FMN2: variants seen among roughly 807,000 people sequenced by gnomAD.
The protein encoded by FMN2 is formin-2.
Under a neutral mutation model 142.3 loss-of-function variants are expected in FMN2, and 51 were observed. The ratio of observed to expected loss-of-function variants is 0.36; its 90% CI spans 0.29 to 0.45. FMN2 has a LOEUF of 0.45. Ranked by LOEUF, FMN2 falls within the 20% of genes least tolerant of loss-of-function variation. The probability of loss-of-function intolerance (pLI) is 1.00; values close to 1 mark genes in which losing one functional copy is unlikely to be tolerated. For missense variants in FMN2, 1,936 were observed against 2,122.8 expected, an observed-to-expected ratio of 0.91 and a Z score of 1.73; for synonymous variants, 882 against 869.8, an observed-to-expected ratio of 1.01 and a Z score of -0.25.
intron 15 of FMN2, among the ~76,000 whole-genome samples, chr1:240,420,766 T>C (rs1418018937): frequency 6.6e-6 from 1 of 152,164 alleles, no homozygotes; most frequent in African/African-American, 2.4e-5. Context: ...ATGCCCCACA[T>C]TCCCACACAG....
intron 15 of FMN2, among the ~76,000 whole-genome samples, chr1:240,400,019 C>T (rs530172655): frequency 6.6e-6 from 1 of 152,246 alleles, no homozygotes. Context: ...CTAAGAGCTT[C>T]GTCTGAAAGA....
chr1:240,368,849 A>G (rs922124639), intron 14 of FMN2, among the ~76,000 whole-genome samples: 3 of 151,844 alleles, frequency 2.0e-5, no homozygotes, highest in Non-Finnish European at 4.4e-5. Flanking sequence ...TTTCCCCTCT[A>G]CTACTTTTCA....
chr1:240,436,816 A>G (rs1213119263), intron 15 of FMN2, among the ~76,000 whole-genome samples: 1 of 152,220 alleles, frequency 6.6e-6, no homozygotes, highest in Non-Finnish European at 1.5e-5. Flanking sequence ...ATATGTATAT[A>G]TATACTTTTG....
At chr1:240,254,255 G>C (rs548858167) in intron 6 of FMN2, among the ~76,000 whole-genome samples, 1 of 152,074 alleles carries the variant, frequency 6.6e-6, no homozygotes, top group Non-Finnish European at 1.5e-5. Flanking sequence ...GACAGGCCAC[G>C]CGGGGCAGTC....
Position 240,206,840 on chromosome 1 carries a change from T to G in FMN2, c.2028T>G (p.Ile676Met). Residue 676 changes from isoleucine (I) to methionine (M), a missense_variant, in exon 5 of 18, where the codon ATT becomes ATG. By Grantham distance (10) the Ile-to-Met change is conservative. Transcript: ENST00000319653. Reference protein sequence around the residue: ...DMKSEGQATVIQQLEQTIEDL... With the variant: ...DMKSEGQATVMQQLEQTIEDL... ...AGTCTGAGGGACAGGCCACTGTAAT[T>G]CAGCAGCTGGAACAGACTATTGAGG... 6.2e-7 allele frequency: 1 copy of G among 1,613,956 alleles called. No individual in the cohort carries two copies. Among genetic ancestry groups the G allele is most frequent in the Non-Finnish European group, 8.5e-7 (1 of 1,179,864 alleles).
At chr1:240,291,837 C>T (rs1456652) in intron 7 of FMN2, among the ~76,000 whole-genome samples, 44,973 of 151,978 alleles carry the variant, frequency 0.3, 7,128 homozygotes, top group Admixed American at 0.47. Flanking sequence ...CTCACTTGAG[C>T]AGGAAGGATG....
At chr1:240,387,074 G>A (rs1326594374) in intron 14 of FMN2, among the ~76,000 whole-genome samples, 1 of 152,210 alleles carries the variant, frequency 6.6e-6, no homozygotes, top group Non-Finnish European at 1.5e-5. Context: ...CTAAGGAGCT[G>A]CAATTTTAGG....
chr1:240,467,156 G>T (rs1199910093), intron 16 of FMN2, among the ~76,000 whole-genome samples: 15 of 152,186 alleles, frequency 9.9e-5, no homozygotes, highest in Admixed American at 9.8e-4. Context: ...GGACTGGGCA[G>T]ACTGCCTTAC....
chr1:240,227,664 T>G (rs1341194822), intron 6 of FMN2, among the ~76,000 whole-genome samples: 2 of 152,098 alleles, frequency 1.3e-5, no homozygotes. Flanking sequence ...GTCTGTTGAT[T>G]TTTGACAATG....
chr1:240,196,658 C>A (rs1196405531), intron 4 of FMN2, among the ~76,000 whole-genome samples: 1 of 152,098 alleles, frequency 6.6e-6, no homozygotes, highest in Non-Finnish European at 1.5e-5. Flanking sequence ...ATTACAGGCA[C>A]CTGCCACCAT....
chr1:240,290,390 A>G (rs1669739867), intron 7 of FMN2, among the ~76,000 whole-genome samples: 1 of 152,164 alleles, frequency 6.6e-6, no homozygotes. Context: ...GCTATTGTGA[A>G]ATTAACTTTT....
In FMN2 at chr1:240,464,032, G is replaced by A. The variant is rs141302606; in HGVS notation, c.5061-8340G>A. Among the ~76,000 whole-genome samples the A allele has an allele frequency of 1.6e-3, 248 of 152,184 alleles. 1 individual carries two copies. Among genetic ancestry groups the A allele is most frequent in the African/African-American group, 5.6e-3 (231 of 41,520 alleles). On this transcript the variant is annotated intron_variant, in intron 16 of 17. Transcript: ENST00000319653. The stretch of plus-strand genomic sequence containing the variant: ...AAAAAATTAAAAATTAGGGATTAGG[G>A]ACTAGTTAACCATTTCAGAATTGTT...
rs184523347 is a variant in FMN2 at position 240,272,395 on chromosome 1, C to T, written c.4153+14363C>T. 4.0e-3 allele frequency among the ~76,000 whole-genome samples: 607 copies of T among 152,236 alleles called. 2 individuals are homozygous for T. The highest frequency in any genetic ancestry group is 0.014 in the African/African-American group (571 of 41,560). On this transcript the variant is annotated intron_variant, in intron 7 of 17. Transcript: ENST00000319653. Reference sequence around the variant, plus strand: ...TGCAAAAAGATTCCTTTGGCATAATCCTTGAGAGGGGTCGGATTGGCACTG... The same window carrying T: ...TGCAAAAAGATTCCTTTGGCATAATTCTTGAGAGGGGTCGGATTGGCACTG...
At chr1:240,186,380 G>A (rs749823736) in intron 3 of FMN2, among the ~76,000 whole-genome samples, 104 of 152,250 alleles carry the variant, frequency 6.8e-4, no homozygotes, top group Non-Finnish European at 1.2e-3. Flanking sequence ...GGATGTGGGG[G>A]ACACAACAAG....
chr1:240,211,872 A>G (rs1666703029), intron 6 of FMN2, among the ~76,000 whole-genome samples: 2 of 152,222 alleles, frequency 1.3e-5, no homozygotes, highest in Non-Finnish European at 2.9e-5. Context: ...TGGACTTGTC[A>G]TAAAGGGATA....
chr1:240,427,440 T>A (rs908563164), intron 15 of FMN2, among the ~76,000 whole-genome samples: 4 of 151,292 alleles, frequency 2.6e-5, no homozygotes, highest in Non-Finnish European at 4.4e-5. Flanking sequence ...CTCCTGACCT[T>A]GTGATCTGCC....
intron 2 of FMN2, among the ~76,000 whole-genome samples, chr1:240,127,362 A>G (rs992315968): frequency 2.0e-5 from 3 of 149,754 alleles, no homozygotes; most frequent in Admixed American, 1.3e-4. Flanking sequence ...ATGAGCCACC[A>G]TACCTGGCTT....
chr1:240,314,258 G>A (rs1036501460), intron 8 of FMN2, among the ~76,000 whole-genome samples: 3 of 152,120 alleles, frequency 2.0e-5, no homozygotes, highest in African/African-American at 7.2e-5. Context: ...AGATCATAAA[G>A]ACTGTGGTGT....
At position 240,474,938 on chromosome 1, in the gene FMN2, G is replaced by A. The variant is rs113776485; in HGVS notation, c.*784G>A. 9.7e-4 allele frequency: 148 copies of A among 152,600 alleles called. No individual in the cohort carries two copies. The highest frequency in any genetic ancestry group is 3.5e-3 in the African/African-American group (145 of 41,510). The allele number at this position is 152,600 out of a possible 1,614,324, so 9.5% of individuals were successfully genotyped here. A position where few individuals can be genotyped will look rare whatever the true frequency, so the allele number is the denominator to read the frequency against. ...ATTGTTTGTATTTATGTAAAGTATG[G>A]TCTCTTACTTTTTAGTTTGTAGTTT... On this transcript the variant is annotated 3_prime_UTR_variant, in exon 18 of 18. Transcript: ENST00000319653.
Sources: gnomAD v4.1 joint callset for allele counts (sites outside exome capture counted in the v4.1 genomes callset) on GRCh38, gnomAD v4.1.1 for gene constraint, MANE v1.5 for transcripts, NCBI Gene and HGNC (gene_info 2026-07-23, HGNC 2026-07-21) for gene names.